The following GXYLT1 variants were observed in gnomAD, a reference collection of about 807,000 sequenced individuals.
The protein encoded by GXYLT1 is glucoside xylosyltransferase 1, also known as glycosyltransferase 8 domain containing 3.
In GXYLT1, 29 loss-of-function variants were observed where a neutral mutation model predicts 54.0. The observed-to-expected ratio is 0.54, with a 90% CI of 0.40 to 0.73. The LOEUF (loss-of-function observed/expected upper bound fraction) is 0.73, where lower values mean the gene tolerates loss of function less well. GXYLT1 is among the 30% of genes least tolerant of loss of function. GXYLT1 has a pLI of 0.00. For synonymous variants in GXYLT1, 176 were observed against 204.1 expected (o/e 0.86, Z 1.17); for missense variants, 490 against 553.4 (o/e 0.89, Z 1.15).
At position 42,085,244 on chromosome 12, in the gene GXYLT1, T is replaced by A. The variant is rs1004476395; in HGVS notation, c.*2542A>T. 2 of 152,212 alleles carry A rather than the reference T, an allele frequency of 1.3e-5. No individual in the cohort carries two copies. The highest frequency in any genetic ancestry group is 1.9e-4 in the East Asian group (1 of 5,200). 9.4% of individuals were successfully genotyped at this position (152,212 alleles called of 1,614,324 possible). On this transcript the variant is annotated 3_prime_UTR_variant, in exon 8 of 8. Coordinates refer to ENST00000398675, the MANE Select transcript of GXYLT1 (RefSeq NM_173601.2). ...ATTCAATTTATGGTAAAATGATCAA[T>A]TAGGTCAGGTCTAAATAAACCAGAT...
chr12:42,097,686 T>G (rs972191229), intron 6 of GXYLT1, 72 bp from the exon 7 acceptor site: 17 of 1,372,292 alleles, frequency 1.2e-5, no homozygotes, highest in Non-Finnish European at 1.7e-5. Context: ...TGCAAAACTT[T>G]CAGTTAAAAA....
chr12:42,141,342 C>A (rs2065651396), intron 1 of GXYLT1, among the ~76,000 whole-genome samples: 1 of 152,164 alleles, frequency 6.6e-6, no homozygotes, highest in African/African-American at 2.4e-5. Flanking sequence ...CTGCTATCTG[C>A]AGTTTTTCCT....
chr12:42,097,589 T>C lies in GXYLT1; in HGVS notation c.1014A>G (p.Gln338=), dbSNP rs746622450. The change falls in exon 7 of 8, where the codon CAA becomes CAG. Residue 338 remains glutamine, a synonymous_variant. Coordinates refer to ENST00000398675, the MANE Select transcript of GXYLT1 (RefSeq NM_173601.2). ...NPESLFVFPC[Q]WNYRPDHCIY... is the part of the protein sequence containing the mutation. ...TACAATGATCTGGTCGATAATTCCA[T>C]TGACACGGAAAAACAAAAAGGCTTT... The C allele has an allele frequency of 2.1e-5, 33 of 1,605,958 alleles. No homozygotes were observed. The highest frequency in any genetic ancestry group is 8.7e-5 in the Admixed American group (5 of 57,770).
chr12:42,137,024 T>C (rs2065623638), intron 1 of GXYLT1, among the ~76,000 whole-genome samples: 1 of 152,146 alleles, frequency 6.6e-6, no homozygotes, highest in Non-Finnish European at 1.5e-5. Flanking sequence ...CACCCACCTT[T>C]GCCTCCCTGC....
At chr12:42,114,166 A>G (rs563484145) in intron 3 of GXYLT1, among the ~76,000 whole-genome samples, 2 of 152,360 alleles carry the variant, frequency 1.3e-5, no homozygotes, top group South Asian at 4.1e-4. Flanking sequence ...AAATGCCCAC[A>G]AGAGAAAGCA....
chr12:42,107,584 G>C (rs558893796), intron 4 of GXYLT1, among the ~76,000 whole-genome samples: 1 of 152,044 alleles, frequency 6.6e-6, no homozygotes, highest in Non-Finnish European at 1.5e-5. Context: ...CAAGCTACTC[G>C]GGAGGCTGGG....
At chr12:42,098,189 G>A (rs1162062830) in intron 5 of GXYLT1, among the ~76,000 whole-genome samples, 156 bp from the exon 6 acceptor site, 1 of 152,138 alleles carries the variant, frequency 6.6e-6, no homozygotes, top group African/African-American at 2.4e-5. Flanking sequence ...CCCTAAATGT[G>A]AGAAGGGCTG....
At position 42,134,451 on chromosome 12, in the gene GXYLT1, T is replaced by C. The variant is rs577062756; in HGVS notation, c.222-4600A>G. On this transcript the variant is annotated intron_variant, in intron 1 of 7. Coordinates refer to ENST00000398675, the MANE Select transcript of GXYLT1 (RefSeq NM_173601.2). ...CTCAGTCCCCAAGTATCTAGGACTA[T>C]AAGCATGTGCCACCAAGCCTAATTT... 3.3e-5 allele frequency among the ~76,000 whole-genome samples: 5 copies of C among 152,302 alleles called. No homozygotes were observed. The South Asian group carries it at 1.0e-3, about 32-fold the overall frequency.
At chr12:42,129,585 G>A (rs1190612686) in intron 2 of GXYLT1, among the ~76,000 whole-genome samples, 174 bp downstream of exon 2, 6 of 152,040 alleles carry the variant, frequency 3.9e-5, no homozygotes. Context: ...TACACAGTAT[G>A]TACTAAAAAA....
chr12:42,101,148 A>G (rs750084223), intron 5 of GXYLT1, among the ~76,000 whole-genome samples: 6 of 152,160 alleles, frequency 3.9e-5, no homozygotes, highest in African/African-American at 7.2e-5. Flanking sequence ...TATCCAAGAC[A>G]ACCAATGAAA....
At chr12:42,091,999 G>C (rs1414523336) in intron 7 of GXYLT1, among the ~76,000 whole-genome samples, 1 of 152,140 alleles carries the variant, frequency 6.6e-6, no homozygotes, top group African/African-American at 2.4e-5. Context: ...CCACCCACCT[G>C]GAAAACTCTT....
At position 42,136,751 on chromosome 12, in the gene GXYLT1, TATAC is replaced by T. The variant is rs58827513; in HGVS notation, c.222-6904_222-6901del. Among the ~76,000 whole-genome samples the T allele has an allele frequency of 3.7e-3, 540 of 147,488 alleles. 3 individuals carry two copies. The highest frequency in any genetic ancestry group is 9.8e-3 in the African/African-American group (390 of 39,624). ...TTAAAACCAATTACAGGAGGTTTTTTATACATACATACATACATACATACATACA... is the reference window on the plus strand; with the variant it reads ...TTAAAACCAATTACAGGAGGTTTTTTATACATACATACATACATACATACA... On this transcript the variant is annotated intron_variant, in intron 1 of 7. Transcript: ENST00000398675.
chr12:42,121,908 C>T (rs150986171), intron 2 of GXYLT1, among the ~76,000 whole-genome samples: 88 of 152,136 alleles, frequency 5.8e-4, no homozygotes, highest in African/African-American at 2.0e-3. Context: ...TACCCCTAGA[C>T]CCAAAAGACA....
At chr12:42,114,961 C>G (rs2065484061) in intron 3 of GXYLT1, among the ~76,000 whole-genome samples, 1 of 152,158 alleles carries the variant, frequency 6.6e-6, no homozygotes, top group South Asian at 2.1e-4. Context: ...CCCTGGAATG[C>G]AAGGCTGGTT....
Position 42,087,106 on chromosome 12 carries a change from TCTCA to T in GXYLT1, c.*676_*679del, listed in dbSNP as rs2065298302. 1 of 152,140 alleles carries T rather than the reference TCTCA, an allele frequency of 6.6e-6. No homozygotes were observed. Among genetic ancestry groups the T allele is most frequent in the African/African-American group, 2.4e-5 (1 of 41,434 alleles). The allele number at this position is 152,140 out of a possible 1,614,324, so 9.4% of individuals were successfully genotyped here. ...TGCATACAAAATGAAACACTACATT[TCTCA>T]CTCTCTCTCACACACAAACACGCAC... On this transcript the variant is annotated 3_prime_UTR_variant, in exon 8 of 8. Coordinates refer to ENST00000398675, the MANE Select transcript of GXYLT1 (RefSeq NM_173601.2).
chr12:42,112,091 G>A (rs1043974622), intron 3 of GXYLT1, among the ~76,000 whole-genome samples: 1 of 152,254 alleles, frequency 6.6e-6, no homozygotes, highest in Middle Eastern at 3.4e-3. Flanking sequence ...GTCCTGTCTG[G>A]TAGAAGGAAA....
chr12:42,088,047 C>T (rs987745897), intron 7 of GXYLT1, 100 bp from the exon 8 acceptor site: 13 of 528,898 alleles, frequency 2.5e-5, no homozygotes, highest in African/African-American at 4.0e-5. Context: ...TTAATATGAA[C>T]GATCTCCATT....
chr12:42,144,626 G>T lies in GXYLT1; in HGVS notation c.21C>A (p.Val7=), dbSNP rs779360753. The T allele has an allele frequency of 2.1e-6, 3 of 1,461,260 alleles. No individual in the cohort carries two copies. The highest frequency in any genetic ancestry group is 2.7e-6 in the Non-Finnish European group (3 of 1,104,018). The allele number at this position is 1,461,260 out of a possible 1,614,324, so 90.5% of individuals were successfully genotyped here. A position where few individuals can be genotyped will look rare whatever the true frequency, so the allele number is the denominator to read the frequency against. The change falls in exon 1 of 8, where the codon GTC becomes GTA. Residue 7 remains valine (V), a synonymous_variant. Coordinates refer to ENST00000398675, the MANE Select transcript of GXYLT1 (RefSeq NM_173601.2). The part of the protein sequence containing the change: MRRYLR[V]VVLCVACGFC... ...AGCCGCAGGCCACACACAGCACCAC[G>T]ACGCGCAGGTAGCGCCGCATCGCCC...
At position 42,119,055 on chromosome 12, in the gene GXYLT1, G is replaced by T. The variant is rs199648579; in HGVS notation, c.431C>A (p.Pro144His). The T allele has an allele frequency of 6.2e-7, 1 of 1,614,002 alleles. No homozygotes were observed. The highest frequency in any genetic ancestry group is 2.2e-5 in the East Asian group (1 of 44,894). Reference sequence around the variant, plus strand: ...TTCAGCAAAAATATGGAATTGAAGAGGTTTGATGCTGAAAATGATAGCTGA... The same window carrying T: ...TTCAGCAAAAATATGGAATTGAAGATGTTTGATGCTGAAAATGATAGCTGA... ...LKSAIIFSIK[P>H]LQFHIFAEDQ... Residue 144 changes from proline (P) to histidine (H), a missense_variant, in exon 3 of 8, where the codon CCT becomes CAT. Physicochemically the swap from Pro to His is moderately conservative, Grantham distance 77. Transcript: ENST00000398675.
Sources: allele counts gnomAD v4.1 joint callset (sites outside exome capture counted in the v4.1 genomes callset), GRCh38; gene constraint gnomAD v4.1.1; transcripts MANE v1.5; gene names NCBI Gene and HGNC (gene_info 2026-07-23, HGNC 2026-07-21).